GPATCH8: variants seen among roughly 807,000 people sequenced by gnomAD.
GPATCH8 encodes the protein G patch domain-containing protein 8.
GPATCH8 carries 18 observed loss-of-function variants against 118.3 expected under a neutral mutation model. That is an observed-to-expected ratio of 0.15 (90% CI 0.11 to 0.23). GPATCH8 has a LOEUF of 0.23. Ranked by LOEUF, GPATCH8 falls within the 10% of genes least tolerant of loss-of-function variation. The pLI is 1.00. For synonymous variants in GPATCH8, 659 were observed against 684.7 expected, an observed-to-expected ratio of 0.96 and a Z score of 0.59; for missense variants, 1,631 against 1,873.8, an observed-to-expected ratio of 0.87 and a Z score of 2.39.
chr17:44,442,126 G>T (rs545995692), intron 3 of GPATCH8, among the ~76,000 whole-genome samples: 2,464 of 142,514 alleles, frequency 0.017, 49 homozygotes, highest in African/African-American at 0.049. Context: ...TATATATAGA[G>T]AGAGAGAGAG....
chr17:44,486,688 C>T (rs945421340), intron 1 of GPATCH8: 9 of 152,134 alleles, frequency 5.9e-5, no homozygotes, highest in African/African-American at 1.9e-4. Flanking sequence ...TTAGGCCACA[C>T]TGTAACAAGT....
intron 6 of GPATCH8, among the ~76,000 whole-genome samples, chr17:44,418,612 G>A (rs1263499603): frequency 2.0e-5 from 3 of 152,128 alleles, no homozygotes; most frequent in Admixed American, 1.3e-4. Context: ...GTGCTGCCAC[G>A]CCCGGCTTTT....
intron 7 of GPATCH8, among the ~76,000 whole-genome samples, chr17:44,401,966 T>C (rs998346157): frequency 2.7e-5 from 4 of 148,482 alleles, no homozygotes; most frequent in African/African-American, 7.5e-5. Context: ...ATCACGCCAC[T>C]GCACTCCAGT....
intron 2 of GPATCH8, chr17:44,466,970 G>T: frequency 3.4e-6 from 1 of 296,414 alleles, no homozygotes; most frequent in Non-Finnish European, 7.1e-6. Flanking sequence ...TCAATCTTTG[G>T]CTAAGTGGAG....
At chr17:44,442,117 A>C (rs1423511885) in intron 3 of GPATCH8, among the ~76,000 whole-genome samples, 4 of 144,246 alleles carry the variant, frequency 2.8e-5, no homozygotes, top group Non-Finnish European at 6.0e-5. Flanking sequence ...ACATATATAT[A>C]TATATAGAGA....
At chr17:44,422,799 A>G (rs906489971) in intron 6 of GPATCH8, among the ~76,000 whole-genome samples, 1 of 151,820 alleles carries the variant, frequency 6.6e-6, no homozygotes, top group African/African-American at 2.4e-5. Flanking sequence ...TTTAAATTAT[A>G]AATACTTTGA....
intron 1 of GPATCH8, among the ~76,000 whole-genome samples, chr17:44,479,971 A>G (rs1047239281): frequency 1.6e-4 from 25 of 152,088 alleles, no homozygotes; most frequent in Admixed American, 1.4e-3. Flanking sequence ...GTCTCAAAAA[A>G]AAAAAAAAAT....
intron 3 of GPATCH8, among the ~76,000 whole-genome samples, chr17:44,440,698 C>T (rs1326710648): frequency 6.6e-6 from 1 of 152,172 alleles, no homozygotes; most frequent in African/African-American, 2.4e-5. Flanking sequence ...TACAGTCAAA[C>T]ACAAAAACCC....
At chr17:44,498,832 A>C (rs533503236) in intron 1 of GPATCH8, among the ~76,000 whole-genome samples, 2 of 152,226 alleles carry the variant, frequency 1.3e-5, no homozygotes, top group Non-Finnish European at 2.9e-5. Flanking sequence ...CCTGAATTAC[A>C]ATGCCAACTA....
At chr17:44,489,027 C>T (rs1349595457) in intron 1 of GPATCH8, among the ~76,000 whole-genome samples, 1 of 151,616 alleles carries the variant, frequency 6.6e-6, no homozygotes, top group East Asian at 2.0e-4. Flanking sequence ...CCATTGCACT[C>T]CAGTCTGAGG....
chr17:44,482,403 C>A (rs1435449290), intron 1 of GPATCH8, among the ~76,000 whole-genome samples: 4 of 151,636 alleles, frequency 2.6e-5, no homozygotes, highest in Admixed American at 6.6e-5. Flanking sequence ...GAAACCCCGT[C>A]TCTACTAAAA....
rs1246418120 is a variant in GPATCH8, at chr17:44,398,420, G to A, written c.3657C>T (p.His1219=). Residue 1219 remains histidine (H), a synonymous_variant, in exon 8 of 8, where the codon CAC becomes CAT. Transcript: ENST00000591680. ...CTGGGGTGCCTAGTGGAGCCACAGG[G>A]TGATCAGCAGTAGCTTCTCCAGACT... The part of the protein sequence containing the change: ...ESKSGEATAD[H]PVAPLGTPAH... 2 of 1,613,894 alleles carry A rather than the reference G, an allele frequency of 1.2e-6. No homozygotes were observed. Among genetic ancestry groups the A allele is most frequent in the South Asian group, 2.2e-5 (2 of 91,080 alleles).
intron 2 of GPATCH8, among the ~76,000 whole-genome samples, chr17:44,471,047 G>A (rs868562556): frequency 2.6e-5 from 4 of 152,116 alleles, no homozygotes; most frequent in Admixed American, 6.5e-5. Flanking sequence ...GGGATAAAAT[G>A]TTCACACTTT....
intron 3 of GPATCH8, among the ~76,000 whole-genome samples, chr17:44,459,338 G>A (rs1232057130): frequency 6.6e-6 from 1 of 152,094 alleles, no homozygotes; most frequent in African/African-American, 2.4e-5. Flanking sequence ...TTAATAATAA[G>A]CATATATGGC....
intron 2 of GPATCH8, among the ~76,000 whole-genome samples, chr17:44,472,978 G>A (rs1418373389): frequency 2.0e-5 from 3 of 151,476 alleles, no homozygotes; most frequent in Non-Finnish European, 2.9e-5. Context: ...ACAGGCTTGA[G>A]CCACCGCACC....
chr17:44,467,582 A>G (rs1017423771), intron 2 of GPATCH8, among the ~76,000 whole-genome samples: 2 of 152,156 alleles, frequency 1.3e-5, no homozygotes, highest in African/African-American at 4.8e-5. Flanking sequence ...AACAATAGAC[A>G]CATCTCCCAG....
At chr17:44,496,663 A>G (rs1032257567) in intron 1 of GPATCH8, among the ~76,000 whole-genome samples, 8 of 152,212 alleles carry the variant, frequency 5.3e-5, no homozygotes, top group Non-Finnish European at 8.8e-5. Flanking sequence ...ATTCCTTACT[A>G]TCTATGGGGC....
rs763823154 is a variant in GPATCH8 at position 44,399,127 on chromosome 17, G to A, written c.2950C>T (p.Arg984Trp). ...CGGTCCCGGCTATAGCTCCGGCTCC[G>A]TTGCCAGCTGTGGGCTGTGGTGCTA... ...SRSTTAHSWQRSRSYSRDRSR... is the reference protein window; with the variant it reads ...SRSTTAHSWQWSRSYSRDRSR... The change falls in exon 8 of 8, where the codon CGG becomes TGG. Residue 984 changes from arginine to tryptophan, a missense_variant. Physicochemically the swap from Arg to Trp is moderately radical, Grantham distance 101. Around this residue, in one of 8 missense-constraint regions of GPATCH8, gnomAD observed 922 missense variants for 879.7 expected, o/e 1.05. Transcript: ENST00000591680. 3.8e-5 allele frequency: 61 copies of A among 1,609,962 alleles called. 1 individual carries two copies. The highest frequency in any genetic ancestry group is 6.6e-5 in the South Asian group (6 of 90,976).
intron 2 of GPATCH8, chr17:44,465,150 AAC>A (rs1257481952): frequency 1.3e-5 from 2 of 151,714 alleles, no homozygotes; most frequent in East Asian, 1.9e-4. Flanking sequence ...AAACTGAAAA[AAC>A]AGTGAGGTTA....
Sources: allele counts gnomAD v4.1 joint callset (sites outside exome capture counted in the v4.1 genomes callset), GRCh38; gene constraint gnomAD v4.1.1; regional missense constraint gnomAD v4.1.1; transcripts MANE v1.5; gene names NCBI Gene and HGNC (gene_info 2026-07-23, HGNC 2026-07-21).